The following GALNTL5 variants were observed in gnomAD, a reference collection of about 807,000 sequenced individuals.
GALNTL5 encodes the protein inactive polypeptide N-acetylgalactosaminyltransferase-like protein 5.
A neutral mutation model predicts 51.0 loss-of-function variants in GALNTL5; 44 were observed. That is an observed-to-expected ratio of 0.86 (90% CI 0.68 to 1.11). The LOEUF is 1.11. Ranked by LOEUF, GALNTL5 falls within the 50% of genes least tolerant of loss-of-function variation. The pLI is 0.00. For synonymous variants in GALNTL5, 192 were observed against 182.8 expected, an observed-to-expected ratio of 1.05 and a Z score of -0.41; for missense variants, 528 against 531.8, an observed-to-expected ratio of 0.99 and a Z score of 0.07.
intron 5 of GALNTL5, among the ~76,000 whole-genome samples, chr7:151,998,134 A>G (rs2081523700): frequency 1.3e-5 from 2 of 152,202 alleles, no homozygotes; most frequent in Admixed American, 1.3e-4. Context: ...GCTTGAGTCC[A>G]GGAGTTGGAG....
At chr7:151,967,806 G>A (rs150049058) in intron 2 of GALNTL5, among the ~76,000 whole-genome samples, 1 of 152,078 alleles carries the variant, frequency 6.6e-6, no homozygotes, top group Admixed American at 6.6e-5. Context: ...ACCCTCAGAG[G>A]TTGTCTGACC....
At chr7:151,974,151 G>A (rs1399410900) in intron 3 of GALNTL5, among the ~76,000 whole-genome samples, 1 of 49,954 alleles carries the variant, frequency 2.0e-5, no homozygotes, top group African/African-American at 7.0e-5. Context: ...TGAAAATGAA[G>A]TAATATAATA....
chr7:151,968,664 T>C (rs1027199433), intron 2 of GALNTL5, among the ~76,000 whole-genome samples: 2 of 152,296 alleles, frequency 1.3e-5, no homozygotes, highest in Admixed American at 6.5e-5. Context: ...GGGATGTGAG[T>C]AGAACCTGAT....
intron 1 of GALNTL5, among the ~76,000 whole-genome samples, chr7:151,958,172 C>T (rs529845716): frequency 9.2e-5 from 14 of 152,314 alleles, no homozygotes; most frequent in Non-Finnish European, 1.3e-4. Context: ...CTGGCAGCAC[C>T]CGTCCTTGGG....
At chr7:151,964,045 C>T (rs954040973) in intron 1 of GALNTL5, among the ~76,000 whole-genome samples, 7 of 152,078 alleles carry the variant, frequency 4.6e-5, no homozygotes, top group Non-Finnish European at 1.0e-4. Context: ...AGGCTGGAGT[C>T]GGCATCCAGC....
chr7:151,958,506 A>G (rs7457096), intron 1 of GALNTL5, among the ~76,000 whole-genome samples: 34,009 of 152,038 alleles, frequency 0.22, 4,384 homozygotes, highest in African/African-American at 0.32. Context: ...CCTGCAGCAT[A>G]GTGAAACGGG....
At chr7:151,986,655 AAAAATATTTACAG>A (rs2081362632) in intron 4 of GALNTL5, among the ~76,000 whole-genome samples, 1 of 152,062 alleles carries the variant, frequency 6.6e-6, no homozygotes, top group Non-Finnish European at 1.5e-5. Flanking sequence ...AAACAAAAAG[AAAAATATTTACAG>A]TTGATTTTGA....
chr7:152,010,838 G>A (rs908992212), intron 7 of GALNTL5, among the ~76,000 whole-genome samples: 1 of 152,044 alleles, frequency 6.6e-6, no homozygotes, highest in Non-Finnish European at 1.5e-5. Context: ...CCTCTAAAAG[G>A]AGAACCTAGC....
intron 8 of GALNTL5, among the ~76,000 whole-genome samples, chr7:152,018,833 C>A (rs373771934): frequency 2.9e-4 from 44 of 152,232 alleles, no homozygotes; most frequent in African/African-American, 1.0e-3. Context: ...ATATGGCATG[C>A]CCATAATACA....
chr7:151,959,012 A>G (rs2080960319), intron 1 of GALNTL5, among the ~76,000 whole-genome samples: 1 of 152,094 alleles, frequency 6.6e-6, no homozygotes, highest in Admixed American at 6.6e-5. Flanking sequence ...CCTGGAAATA[A>G]CACCATTTGA....
chr7:152,009,601 C>T lies in GALNTL5; in HGVS notation c.1026+1657C>T, dbSNP rs146921995. 1.4e-4 allele frequency among the ~76,000 whole-genome samples: 22 copies of T among 152,288 alleles called. No homozygotes were observed. The East Asian group carries it at 4.2e-3, about 29-fold the overall frequency. On this transcript the variant is annotated intron_variant, in intron 7 of 8. Coordinates refer to ENST00000392800, the MANE Select transcript of GALNTL5 (RefSeq NM_145292.4). ...CAGGGCTCAGGGCTAGCATCCAGGT[C>T]CTCTGCTCCTGTGAAGCCACACTGG... is the stretch of plus-strand genomic sequence containing the variant.
intron 3 of GALNTL5, among the ~76,000 whole-genome samples, chr7:151,977,385 T>C (rs2081219739): frequency 6.6e-6 from 1 of 152,196 alleles, no homozygotes; most frequent in Non-Finnish European, 1.5e-5. Context: ...TTAACTGTTT[T>C]GTTTATAGCT....
At chr7:152,010,813 A>C (rs573547152) in intron 7 of GALNTL5, among the ~76,000 whole-genome samples, 2 of 152,130 alleles carry the variant, frequency 1.3e-5, no homozygotes, top group African/African-American at 4.8e-5. Flanking sequence ...AGAAAAATAC[A>C]GAGTATTATG....
Position 151,987,205 on chromosome 7 carries a change from A to G in GALNTL5, c.582A>G (p.Gly194=). 2 of 1,597,364 alleles carry G rather than the reference A, an allele frequency of 1.3e-6. No individual in the cohort carries two copies. The highest frequency in any genetic ancestry group is 1.4e-5 in the African/African-American group (1 of 73,914). The change falls in exon 5 of 9, where the codon GGA becomes GGG. Residue 194 remains glycine, a synonymous_variant. Transcript: ENST00000392800. ...KLDYHLETFR[G]KVKIIRNKKR... Reference sequence around the variant, plus strand: ...ACTATCACCTGGAAACTTTTCGGGGAAAGGTTAAAATAATAAGAAACAAAA... The same window carrying G: ...ACTATCACCTGGAAACTTTTCGGGGGAAGGTTAAAATAATAAGAAACAAAA...
intron 5 of GALNTL5, among the ~76,000 whole-genome samples, chr7:151,998,803 G>A (rs907208687): frequency 2.0e-5 from 3 of 147,284 alleles, no homozygotes; most frequent in Non-Finnish European, 4.4e-5. Context: ...AAACTACTCC[G>A]ATAGGCAAAG....
intron 1 of GALNTL5, among the ~76,000 whole-genome samples, chr7:151,964,720 CT>C (rs1156940520): frequency 6.6e-6 from 1 of 152,218 alleles, no homozygotes; most frequent in Non-Finnish European, 1.5e-5. Flanking sequence ...TGCCAACCAG[CT>C]GATTGGAATA....
At chr7:151,962,006 T>C (rs1216066198) in intron 1 of GALNTL5, among the ~76,000 whole-genome samples, 9 of 146,538 alleles carry the variant, frequency 6.1e-5, no homozygotes, top group Admixed American at 3.4e-4. Flanking sequence ...GTTACCTTCT[T>C]TTTTTTTTTT....
chr7:151,962,148 G>A (rs980301427), intron 1 of GALNTL5, among the ~76,000 whole-genome samples: 6 of 151,636 alleles, frequency 4.0e-5, no homozygotes, highest in African/African-American at 9.7e-5. Flanking sequence ...GATAACAGGC[G>A]CATGCCACCA....
At chr7:152,003,830 T>A (rs2081611448) in intron 6 of GALNTL5, among the ~76,000 whole-genome samples, 1 of 152,212 alleles carries the variant, frequency 6.6e-6, no homozygotes. Context: ...ATATCTCACA[T>A]ATAAAACATT....
Sources: gnomAD v4.1 joint callset for allele counts (sites outside exome capture counted in the v4.1 genomes callset) on GRCh38, gnomAD v4.1.1 for gene constraint, MANE v1.5 for transcripts, NCBI Gene and HGNC (gene_info 2026-07-23, HGNC 2026-07-21) for gene names.